SCN4B: variants seen among roughly 807,000 people sequenced by gnomAD.
SCN4B encodes the protein sodium channel regulatory subunit beta-4.
In SCN4B, 20 loss-of-function variants were observed where a neutral mutation model predicts 19.6. The ratio of observed to expected loss-of-function variants is 1.02; its 90% CI spans 0.72 to 1.48. SCN4B has a LOEUF of 1.48. Among genes scored for constraint, SCN4B ranks in the 40% most tolerant of loss-of-function variants. The pLI, the probability that SCN4B is intolerant of heterozygous loss-of-function variation, is 0.00. For missense variants in SCN4B, 271 were observed against 287.5 expected (o/e 0.94, Z 0.42); for synonymous variants, 127 against 122.8 (o/e 1.03, Z -0.22).
chr11:118,150,385 G>A (rs921558626), intron 1 of SCN4B, among the ~76,000 whole-genome samples: 4 of 152,142 alleles, frequency 2.6e-5, no homozygotes, highest in Non-Finnish European at 1.5e-5. Context: ...GGACTCCTGG[G>A]AGTTCACTGC....
intron 1 of SCN4B, among the ~76,000 whole-genome samples, chr11:118,147,767 T>G (rs2135507570): frequency 6.6e-6 from 1 of 152,278 alleles, no homozygotes; most frequent in East Asian, 1.9e-4. Context: ...GGCAGCTTCC[T>G]GATAGCTAAT....
In SCN4B at chr11:118,137,033, T is replaced by G. The variant is rs1309267082; in HGVS notation, c.681A>C (p.Lys227Asn). ...GSKAEEKPPS[K>N]V The stretch of plus-strand genomic sequence containing the variant: ...GCTCAGCCCGAAGCAGGGCTCACAC[T>G]TTTGAAGGTGGTTTCTCCTCTGCCT... The change falls in exon 5 of 5, where the codon AAA (lysine) becomes AAC (asparagine). Residue 227 changes from lysine to asparagine, a missense_variant. Coordinates refer to ENST00000324727, the MANE Select transcript of SCN4B (RefSeq NM_174934.4). 6.2e-7 allele frequency: 1 copy of G among 1,612,226 alleles called. No individual in the cohort carries two copies. Among genetic ancestry groups the G allele is most frequent in the African/African-American group, 1.3e-5 (1 of 74,880 alleles).
intron 1 of SCN4B, 149 bp from the exon 2 acceptor site, chr11:118,145,378 A>C (rs776715335): frequency 1.1e-5 from 17 of 1,533,602 alleles, no homozygotes; most frequent in Non-Finnish European, 1.4e-5. Flanking sequence ...GTCTACTCCA[A>C]TCAGCACCGC....
rs1034724970 is a variant in SCN4B at position 118,135,841 on chromosome 11, G to A, written c.*1186C>T. The A allele has an allele frequency of 4.4e-6, 2 of 454,466 alleles. No homozygotes were observed. Among genetic ancestry groups the A allele is most frequent in the Admixed American group, 4.7e-5 (2 of 42,576 alleles). The allele number at this position is 454,466 out of a possible 1,614,324, so 28.2% of individuals were successfully genotyped here. A position where few individuals can be genotyped will look rare whatever the true frequency, so the allele number is the denominator to read the frequency against. On this transcript the variant is annotated 3_prime_UTR_variant, in exon 5 of 5. Transcript: ENST00000324727. Reference sequence around the variant, plus strand: ...GCAAACCAGCTCTGGGAGAAGCAAAGGAAAACTGTGGGCACCCACTCCCTG... The same window carrying A: ...GCAAACCAGCTCTGGGAGAAGCAAAAGAAAACTGTGGGCACCCACTCCCTG...
chr11:118,142,482 A>G (rs999749008), intron 3 of SCN4B, among the ~76,000 whole-genome samples: 17 of 151,608 alleles, frequency 1.1e-4, no homozygotes, highest in African/African-American at 3.9e-4. Context: ...TTCCTGCTTT[A>G]TTTTTTCTTC....
chr11:118,152,251 C>T (rs1371721447), intron 1 of SCN4B, among the ~76,000 whole-genome samples: 2 of 152,186 alleles, frequency 1.3e-5, no homozygotes, highest in Non-Finnish European at 2.9e-5. Flanking sequence ...TGCAACCCAC[C>T]TGGTATCCCC....
chr11:118,151,020 A>G (rs1948228244), intron 1 of SCN4B, among the ~76,000 whole-genome samples: 1 of 152,168 alleles, frequency 6.6e-6, no homozygotes. Flanking sequence ...AATAGGCCTT[A>G]GCCCCTACCT....
chr11:118,136,048 G>A lies in SCN4B; in HGVS notation c.*979C>T, dbSNP rs541268607. On this transcript the variant is annotated 3_prime_UTR_variant, in exon 5 of 5. Coordinates refer to ENST00000324727, the MANE Select transcript of SCN4B (RefSeq NM_174934.4). ...GATGGAGGGCACGGTGGGGGGGGGG[G>A]AGCGAGCCAATGGGAGGTTGGAGGG... 4 of 421,146 alleles carry A rather than the reference G, an allele frequency of 9.5e-6. No individual in the cohort carries two copies. The highest frequency in any genetic ancestry group is 2.5e-5 in the Admixed American group (1 of 39,688). 26.1% of individuals were successfully genotyped at this position (421,146 alleles called of 1,614,324 possible).
At chr11:118,145,028 G>C (rs775561277) in intron 2 of SCN4B, 29 bp downstream of exon 2, 1 of 1,608,380 alleles carries the variant, frequency 6.2e-7, no homozygotes, top group East Asian at 2.2e-5. Context: ...GGGAGGCTGG[G>C]CTGTACTGTT....
intron 1 of SCN4B, chr11:118,145,542 C>T: frequency 8.5e-7 from 1 of 1,179,046 alleles, no homozygotes. Flanking sequence ...CGCCCCGGCT[C>T]CGCCCCTCAC....
rs752850883 is a variant in SCN4B, at chr11:118,133,781, T to C, written c.*3246A>G. ...GAACTCCCTACTGCCAGCCCTCTGA[T>C]GGCAGCTGTCTGTGACACTGAGATG... On this transcript the variant is annotated 3_prime_UTR_variant, in exon 5 of 5. Coordinates refer to ENST00000324727, the MANE Select transcript of SCN4B (RefSeq NM_174934.4). 31 of 454,446 alleles carry C rather than the reference T, an allele frequency of 6.8e-5. No homozygotes were observed. Among genetic ancestry groups the C allele is most frequent in the Non-Finnish European group, 1.1e-4 (26 of 226,804 alleles). 28.2% of individuals were successfully genotyped at this position (454,446 alleles called of 1,614,324 possible). A position where few individuals can be genotyped will look rare whatever the true frequency, so the allele number is the denominator to read the frequency against.
At chr11:118,152,431 A>G (rs1197603807) in intron 1 of SCN4B, among the ~76,000 whole-genome samples, 182 bp downstream of exon 1, 2 of 152,200 alleles carry the variant, frequency 1.3e-5, no homozygotes, top group Non-Finnish European at 2.9e-5. Context: ...AGGGACGCAC[A>G]CGGTCCCCAG....
rs1390344262 is a variant in SCN4B at position 118,148,838 on chromosome 11, T to C, written c.62-3609A>G. ...CCATTTCCCCGGAGTAAAGAAAGCCTTGCTTTGCTGTTTTCTAAAGTTAAT... is the reference window on the plus strand; with the variant it reads ...CCATTTCCCCGGAGTAAAGAAAGCCCTGCTTTGCTGTTTTCTAAAGTTAAT... On this transcript the variant is annotated intron_variant, in intron 1 of 4. Transcript: ENST00000324727. The surrounding 1 kb of genome is among the most constrained non-coding windows in gnomAD (Gnocchi z 4.0). 6.6e-6 allele frequency among the ~76,000 whole-genome samples: 1 copy of C among 152,212 alleles called. No individual in the cohort carries two copies. The highest frequency in any genetic ancestry group is 1.5e-5 in the Non-Finnish European group (1 of 68,030).
In SCN4B at chr11:118,145,153, G is replaced by A. The variant is rs1248414967; in HGVS notation, c.138C>T (p.Gly46=). 2 of 1,614,068 alleles carry A rather than the reference G, an allele frequency of 1.2e-6. No homozygotes were observed. Among genetic ancestry groups the A allele is most frequent in the East Asian group, 4.5e-5 (2 of 44,894 alleles). The change falls in exon 2 of 5, where the codon GGC becomes GGT. Residue 46 remains glycine, a synonymous_variant. Coordinates refer to ENST00000324727, the MANE Select transcript of SCN4B (RefSeq NM_174934.4). Reference sequence around the variant, plus strand: ...AGGTGCAGGGCAGCAGGATCTCCGTGCCATTGACAGCGTAGATGTCGGTGG... The same window carrying A: ...AGGTGCAGGGCAGCAGGATCTCCGTACCATTGACAGCGTAGATGTCGGTGG... ...GKATDIYAVN[G]TEILLPCTFS...
chr11:118,145,665 G>T (rs952003965), intron 1 of SCN4B: 2 of 336,680 alleles, frequency 5.9e-6, no homozygotes, highest in African/African-American at 4.3e-5. Context: ...CCTCTCGCCA[G>T]GTTTTCAGGA....
In SCN4B at chr11:118,137,085, T is replaced by C. The variant is rs1948024169; in HGVS notation, c.629A>G (p.Asn210Ser). The change falls in exon 5 of 5, where the codon AAC (asparagine) becomes AGC (serine). Residue 210 changes from asparagine (N) to serine (S), a missense_variant. By Grantham distance (46) the Asn-to-Ser change is conservative. Transcript: ENST00000324727. ...GGAGCCAGGCAAGCCGTTCTCCGTG[T>C]TGTCATTCCCCGAGGAGCTCACGAG... is the stretch of plus-strand genomic sequence containing the variant. ...ECLVSSSGND[N>S]TENGLPGSKA... 1 of 1,613,966 alleles carries C rather than the reference T, an allele frequency of 6.2e-7. No homozygotes were observed. Among genetic ancestry groups the C allele is most frequent in the Non-Finnish European group, 8.5e-7 (1 of 1,179,940 alleles).
At position 118,133,576 on chromosome 11, in the gene SCN4B, A is replaced by G. The variant is rs1424341237; in HGVS notation, c.*3451T>C. The G allele has an allele frequency of 2.2e-6, 1 of 454,534 alleles. No individual in the cohort carries two copies. The highest frequency in any genetic ancestry group is 2.3e-5 in the Admixed American group (1 of 42,580). 28.2% of individuals were successfully genotyped at this position (454,534 alleles called of 1,614,324 possible). On this transcript the variant is annotated 3_prime_UTR_variant, in exon 5 of 5. Transcript: ENST00000324727. ...GGCCTGTTGTTGCATCATTTGATCT[A>G]TAGTTACATAGGAAAATTGACTATG...
chr11:118,150,554 C>T (rs749327796), intron 1 of SCN4B, among the ~76,000 whole-genome samples: 6 of 152,166 alleles, frequency 3.9e-5, no homozygotes, highest in Non-Finnish European at 5.9e-5. Flanking sequence ...TGGGAAGCAG[C>T]GTGGTGTGAC....
At chr11:118,152,064 G>A (rs1476078338) in intron 1 of SCN4B, among the ~76,000 whole-genome samples, 1 of 152,186 alleles carries the variant, frequency 6.6e-6, no homozygotes, top group Non-Finnish European at 1.5e-5. Context: ...CAGCTTTCAG[G>A]TGCTGCTGTA....
Sources: gnomAD v4.1 joint callset for allele counts (sites outside exome capture counted in the v4.1 genomes callset) on GRCh38, gnomAD v4.1.1 for gene constraint, Gnocchi (gnomAD v3.1) non-coding constraint, MANE v1.5 for transcripts, NCBI Gene and HGNC (gene_info 2026-07-23, HGNC 2026-07-21) for gene names.